Variants in ACTR6 observed in about 807,000 individuals in gnomAD.
The protein encoded by ACTR6 is actin related protein 6, also known as actin-related protein 6.
ACTR6 carries 50 observed loss-of-function variants against 52.5 expected under a neutral mutation model. The observed-to-expected ratio is 0.95, with a 90% CI of 0.76 to 1.20. The LOEUF is 1.20. ACTR6 is among the 50% of genes most tolerant of loss of function. The pLI is 0.00. For missense variants in ACTR6, 344 were observed against 472.4 expected (o/e 0.73, Z 2.52); for synonymous variants, 135 against 147.2 (o/e 0.92, Z 0.60).
intron 4 of ACTR6, 149 bp downstream of exon 4, chr12:100,207,935 T>A: frequency 1.3e-6 from 1 of 745,724 alleles, no homozygotes; most frequent in Non-Finnish European, 2.2e-6. Flanking sequence ...CTGAGGCGAG[T>A]AGATCACTTG....
rs986846689 is a variant in ACTR6, at chr12:100,224,041, C to A, written c.*126C>A. 1.8e-6 allele frequency: 2 copies of A among 1,096,724 alleles called. No homozygotes were observed. Among genetic ancestry groups the A allele is most frequent in the African/African-American group, 1.6e-5 (1 of 61,738 alleles). 67.9% of individuals were successfully genotyped at this position (1,096,724 alleles called of 1,614,324 possible). A position where few individuals can be genotyped will look rare whatever the true frequency, so the allele number is the denominator to read the frequency against. On this transcript the variant is annotated 3_prime_UTR_variant, in exon 11 of 11. Transcript: ENST00000188312. ...CTTGAATTTATGTAAATACTTTGAT[C>A]GATTGCTAATTTTCAAAGGCTTCTT... is the stretch of plus-strand genomic sequence containing the variant.
chr12:100,224,205 T>G lies in ACTR6; in HGVS notation c.*290T>G. The G allele has an allele frequency of 5.1e-6, 1 of 196,714 alleles. No individual in the cohort carries two copies. The highest frequency in any genetic ancestry group is 1.0e-5 in the Non-Finnish European group (1 of 98,684). The allele number at this position is 196,714 out of a possible 1,614,324, so 12.2% of individuals were successfully genotyped here. A position where few individuals can be genotyped will look rare whatever the true frequency, so the allele number is the denominator to read the frequency against. On this transcript the variant is annotated 3_prime_UTR_variant, in exon 11 of 11. Transcript: ENST00000188312. ...AATGAATGCATTTTAAGTTTAATTCTTCATAGCTGAAAGCACAAATTTAAC... is the reference window on the plus strand; with the variant it reads ...AATGAATGCATTTTAAGTTTAATTCGTCATAGCTGAAAGCACAAATTTAAC...
intron 10 of ACTR6, among the ~76,000 whole-genome samples, chr12:100,223,373 C>T (rs1318894820): frequency 6.6e-6 from 1 of 152,044 alleles, no homozygotes; most frequent in Non-Finnish European, 1.5e-5. Context: ...GGAGTAATAG[C>T]TATTTTATGA....
Position 100,210,106 on chromosome 12 carries a change from A to G in ACTR6, c.413A>G (p.Asp138Gly). ...CTCAGTGCACATAGGTATTTCCGAG[A>G]TAATCCTTCCGAATTATGCTGTATC... ...GALSAHRYFR[D>G]NPSELCCIIV... The change falls in exon 5 of 11, where the codon GAT (aspartate) becomes GGT (glycine). Residue 138 changes from aspartate to glycine, a missense_variant. By Grantham distance (94) the Asp-to-Gly change is moderately conservative (BLOSUM62 -1). Coordinates refer to ENST00000188312, the MANE Select transcript of ACTR6 (RefSeq NM_022496.5). The G allele has an allele frequency of 1.9e-6, 3 of 1,609,484 alleles. No individual in the cohort carries two copies.
At position 100,207,648 on chromosome 12, in the gene ACTR6, T is replaced by G; in HGVS notation, c.256-15T>G. 1 of 1,427,354 alleles carries G rather than the reference T, an allele frequency of 7.0e-7. No homozygotes were observed. The highest frequency in any genetic ancestry group is 9.4e-7 in the Non-Finnish European group (1 of 1,063,134). The allele number at this position is 1,427,354 out of a possible 1,614,324, so 88.4% of individuals were successfully genotyped here. On this transcript the variant is annotated splice_polypyrimidine_tract_variant and intron_variant, in intron 3 of 10. Transcript: ENST00000188312. ...TTACAAATTATGAAACATTTTGGAA[T>G]GTTTTCTCCTATAGGTTGATTTTTT...
chr12:100,210,059 CT>C lies in ACTR6; in HGVS notation c.380-7del. ...GTTATATTTTTGTTCACTTTTTTAT[CT>C]TTTTTTAAATAGCTGGGGCTCTCAG... On this transcript the variant is annotated splice_polypyrimidine_tract_variant and intron_variant, in intron 4 of 10. Coordinates refer to ENST00000188312, the MANE Select transcript of ACTR6 (RefSeq NM_022496.5). 3 of 1,551,908 alleles carry C rather than the reference CT, an allele frequency of 1.9e-6. No individual in the cohort carries two copies. Among genetic ancestry groups the C allele is most frequent in the Admixed American group, 2.2e-5 (1 of 45,316 alleles).
intron 4 of ACTR6, among the ~76,000 whole-genome samples, chr12:100,209,314 C>T (rs2096117858): frequency 6.6e-6 from 1 of 152,174 alleles, no homozygotes; most frequent in African/African-American, 2.4e-5. Flanking sequence ...AGCAGGACCA[C>T]TTTAGGCTAG....
intron 3 of ACTR6, among the ~76,000 whole-genome samples, chr12:100,206,578 A>G (rs2096114846): frequency 6.6e-6 from 1 of 151,910 alleles, no homozygotes; most frequent in Admixed American, 6.6e-5. Flanking sequence ...GGCTGATCTC[A>G]AACTCCTGGG....
In ACTR6 at chr12:100,205,005, T is replaced by A; in HGVS notation, c.134T>A (p.Ile45Lys). 6.2e-7 allele frequency: 1 copy of A among 1,612,706 alleles called. No individual in the cohort carries two copies. Among genetic ancestry groups the A allele is most frequent in the Non-Finnish European group, 8.5e-7 (1 of 1,178,976 alleles). The change falls in exon 2 of 11, where the codon ATA becomes AAA. Residue 45 changes from isoleucine to lysine, a missense_variant. Ile to Lys is a moderately radical substitution (Grantham distance 102, BLOSUM62 -3). Transcript: ENST00000188312. The part of the protein sequence containing the change: ...ARLKTFTANQ[I>K]DEIKDPSGLF... ...CTTAAAACTTTTACTGCCAACCAGA[T>A]AGATGAAATAAAAGACCCTTCTGGA... is the stretch of plus-strand genomic sequence containing the variant.
chr12:100,221,104 G>A (rs910752526), intron 10 of ACTR6, among the ~76,000 whole-genome samples: 1 of 151,364 alleles, frequency 6.6e-6, no homozygotes, highest in Non-Finnish European at 1.5e-5. Context: ...TGTAAATAAA[G>A]AAACAAGGGC....
intron 10 of ACTR6, among the ~76,000 whole-genome samples, chr12:100,220,816 G>A (rs540958748): frequency 8.7e-4 from 132 of 152,104 alleles, no homozygotes; most frequent in African/African-American, 3.0e-3. Context: ...GCAACATGGT[G>A]AAGCCCCGTC....
At chr12:100,205,469 G>A (rs2096113691) in intron 2 of ACTR6, 3 of 335,454 alleles carry the variant, frequency 8.9e-6, no homozygotes, top group Non-Finnish European at 1.6e-5. Context: ...TTCTGCACAT[G>A]TATCCCAGAA....
chr12:100,210,008 T>C, intron 4 of ACTR6, 65 bp from the exon 5 acceptor site: 1 of 1,432,970 alleles, frequency 7.0e-7, no homozygotes, highest in Non-Finnish European at 9.4e-7. Context: ...CTTTGTTTCC[T>C]ACCTTTTTAA....
intron 10 of ACTR6, among the ~76,000 whole-genome samples, chr12:100,221,131 G>T (rs1208408881): frequency 6.6e-6 from 1 of 151,988 alleles, no homozygotes; most frequent in Non-Finnish European, 1.5e-5. Flanking sequence ...GTTGGCAAAT[G>T]CCCTATGGTG....
intron 1 of ACTR6, chr12:100,203,658 T>TTC (rs1473491377): frequency 6.9e-6 from 1 of 145,924 alleles, no homozygotes; most frequent in Non-Finnish European, 1.5e-5. Context: ...TTTTTTTTTT[T>TTC]TTTTTTTTTT....
chr12:100,211,486 T>C (rs1471104007), intron 6 of ACTR6, among the ~76,000 whole-genome samples: 2 of 152,174 alleles, frequency 1.3e-5, no homozygotes, highest in Non-Finnish European at 1.5e-5. Context: ...TTGCCCAAGC[T>C]GGCCTTAAAC....
chr12:100,219,157 CATTAAAAAAAAAAAAAAAAAAAGAAA>C (rs1448774110), intron 9 of ACTR6, among the ~76,000 whole-genome samples: 2 of 127,796 alleles, frequency 1.6e-5, no homozygotes, highest in East Asian at 4.4e-4. Flanking sequence ...GCTTTCCTCT[CATTAAAAAAAAAAAAAAAAAAAGAAA>C]AACATAATGC....
In ACTR6 at chr12:100,216,690, C is replaced by T. The variant is rs140740253; in HGVS notation, c.751-1725C>T. ...AATGTTGATAAAATGAGTTATATCCCTTAAACTCAAGTCAGTGAATGGCTG... is the reference window on the plus strand; with the variant it reads ...AATGTTGATAAAATGAGTTATATCCTTTAAACTCAAGTCAGTGAATGGCTG... On this transcript the variant is annotated intron_variant, in intron 8 of 10. Transcript: ENST00000188312. Among the ~76,000 whole-genome samples, 930 of 152,236 alleles carry T rather than the reference C, an allele frequency of 6.1e-3. 5 individuals are homozygous for T. The highest frequency in any genetic ancestry group is 0.019 in the South Asian group (92 of 4,824).
At chr12:100,205,768 A>G in intron 3 of ACTR6, 24 bp downstream of exon 3, 1 of 1,309,190 alleles carries the variant, frequency 7.6e-7, no homozygotes, top group Non-Finnish European at 1.0e-6. Context: ...GTATGTATTA[A>G]AATTCTATTT....
Sources: allele counts gnomAD v4.1 joint callset (sites outside exome capture counted in the v4.1 genomes callset), GRCh38; gene constraint gnomAD v4.1.1; transcripts MANE v1.5; gene names NCBI Gene and HGNC (gene_info 2026-07-23, HGNC 2026-07-21).